Variants in CTNNA3 observed in about 807,000 individuals in gnomAD.
CTNNA3 encodes catenin alpha-3.
A neutral mutation model predicts 95.7 loss-of-function variants in CTNNA3; 76 were observed. That is an observed-to-expected ratio of 0.79 (90% confidence interval 0.66 to 0.96). The LOEUF is 0.96. Among genes scored for constraint, CTNNA3 ranks in the 40% least tolerant of loss-of-function variants. The pLI, the probability that CTNNA3 is intolerant of heterozygous loss-of-function variation, is 0.00. For synonymous variants in CTNNA3, 431 were observed against 374.4 expected, an observed-to-expected ratio of 1.15 and a Z score of -1.74; for missense variants, 1,191 against 1,089.8, an observed-to-expected ratio of 1.09 and a Z score of -1.31.
intron 9 of CTNNA3, among the ~76,000 whole-genome samples, chr10:66,626,378 T>TA (rs34226648): frequency 0.35 from 52,888 of 151,980 alleles, 9,426 homozygotes; most frequent in Middle Eastern, 0.51. Flanking sequence ...TTCATATAGT[T>TA]AATTGTAATA....
chr10:66,509,505 T>A (rs139194950), intron 11 of CTNNA3, among the ~76,000 whole-genome samples: 2 of 152,054 alleles, frequency 1.3e-5, no homozygotes, highest in African/African-American at 4.8e-5. Context: ...TTCAGTCTGA[T>A]ATTTAATTCT....
At chr10:66,432,537 T>A (rs1431370242) in intron 11 of CTNNA3, among the ~76,000 whole-genome samples, 1 of 151,900 alleles carries the variant, frequency 6.6e-6, no homozygotes, top group Non-Finnish European at 1.5e-5. Flanking sequence ...GGCAGGTGCC[T>A]GTAGTTCCAG....
chr10:66,726,670 G>C (rs551551581), intron 9 of CTNNA3, among the ~76,000 whole-genome samples: 12 of 152,166 alleles, frequency 7.9e-5, no homozygotes, highest in African/African-American at 2.6e-4. Context: ...ATACATGAGG[G>C]CTGACTTCAA....
intron 10 of CTNNA3, among the ~76,000 whole-genome samples, chr10:66,597,134 A>G (rs748299801): frequency 1.2e-4 from 19 of 152,038 alleles, no homozygotes; most frequent in Non-Finnish European, 2.6e-4. Flanking sequence ...CTCCAGTCAC[A>G]GAAATAAAGG....
At chr10:66,250,842 T>G (rs992885575) in intron 13 of CTNNA3, among the ~76,000 whole-genome samples, 2 of 152,234 alleles carry the variant, frequency 1.3e-5, no homozygotes, top group African/African-American at 4.8e-5. Flanking sequence ...ATCTTTTAGC[T>G]TCTGTACTTC....
intron 7 of CTNNA3, among the ~76,000 whole-genome samples, chr10:66,801,179 A>G (rs1409503086): frequency 6.6e-6 from 1 of 151,378 alleles, no homozygotes; most frequent in Non-Finnish European, 1.5e-5. Flanking sequence ...AAATAAATAT[A>G]AAGTACAAAG....
chr10:66,565,203 C>T (rs1409969883), intron 10 of CTNNA3, among the ~76,000 whole-genome samples: 1 of 152,064 alleles, frequency 6.6e-6, no homozygotes, highest in Admixed American at 6.6e-5. Flanking sequence ...ACCTATAAAA[C>T]AATCACTTCA....
chr10:66,941,421 G>T (rs1325266892), intron 7 of CTNNA3, among the ~76,000 whole-genome samples: 1 of 152,158 alleles, frequency 6.6e-6, no homozygotes, highest in South Asian at 2.1e-4. Context: ...AATATCTTAG[G>T]TTCCTCTCAA....
intron 5 of CTNNA3, among the ~76,000 whole-genome samples, chr10:67,372,152 A>G (rs930277622): frequency 6.6e-6 from 1 of 152,008 alleles, no homozygotes; most frequent in African/African-American, 2.4e-5. Context: ...AGTAGATTGC[A>G]AAAATTTTCT....
chr10:66,428,745 T>A (rs1196075075), intron 11 of CTNNA3, among the ~76,000 whole-genome samples: 1 of 151,882 alleles, frequency 6.6e-6, no homozygotes, highest in African/African-American at 2.4e-5. Context: ...CTGGGACACA[T>A]TTAAAGCAGT....
At chr10:66,755,251 A>G (rs1416402275) in intron 9 of CTNNA3, among the ~76,000 whole-genome samples, 4 of 152,206 alleles carry the variant, frequency 2.6e-5, no homozygotes, top group Non-Finnish European at 4.4e-5. Flanking sequence ...TGTCCAGAAT[A>G]AGAAAATGTG....
intron 12 of CTNNA3, among the ~76,000 whole-genome samples, chr10:66,316,766 AGG>A (rs1458219188): frequency 3.3e-5 from 5 of 152,144 alleles, no homozygotes; most frequent in Admixed American, 2.0e-4. Flanking sequence ...ATATTATTCA[AGG>A]ACCTGCTATA....
intron 7 of CTNNA3, among the ~76,000 whole-genome samples, chr10:67,064,910 G>A (rs747429728): frequency 3.9e-5 from 6 of 152,098 alleles, no homozygotes; most frequent in Non-Finnish European, 7.4e-5. Context: ...GGAGAAAAAA[G>A]TTATATGAGG....
intron 7 of CTNNA3, among the ~76,000 whole-genome samples, chr10:67,044,024 A>G (rs917102997): frequency 6.6e-6 from 1 of 151,762 alleles, no homozygotes; most frequent in Non-Finnish European, 1.5e-5. Flanking sequence ...AGGTTTGGGG[A>G]CACAAATGAT....
chr10:67,326,735 G>T (rs939654913), intron 5 of CTNNA3, among the ~76,000 whole-genome samples: 1 of 152,056 alleles, frequency 6.6e-6, no homozygotes, highest in African/African-American at 2.4e-5. Context: ...AGTATCTTAG[G>T]GGTTCTCTGC....
At chr10:67,118,092 T>C (rs1010445800) in intron 7 of CTNNA3, among the ~76,000 whole-genome samples, 1 of 151,980 alleles carries the variant, frequency 6.6e-6, no homozygotes, top group African/African-American at 2.4e-5. Flanking sequence ...CAGACAACAG[T>C]GGGCGCATCT....
At chr10:66,339,204 C>T (rs1001178037) in intron 12 of CTNNA3, among the ~76,000 whole-genome samples, 1 of 151,786 alleles carries the variant, frequency 6.6e-6, no homozygotes, top group Non-Finnish European at 1.5e-5. Context: ...AAATTAATCT[C>T]TGTTATTAAT....
intron 13 of CTNNA3, among the ~76,000 whole-genome samples, chr10:66,136,699 G>A (rs979600556): frequency 1.3e-5 from 2 of 151,030 alleles, no homozygotes; most frequent in African/African-American, 2.4e-5. Context: ...CACTGAAAGC[G>A]GAGTTTAGAA....
chr10:67,408,882 C>CCAAAAAAAAAAAAAAAAAAAA (rs1554833433), intron 5 of CTNNA3, among the ~76,000 whole-genome samples: 1 of 97,198 alleles, frequency 1.0e-5, no homozygotes, highest in Admixed American at 1.3e-4. Context: ...CTTAAATTTA[C>CCAAAAAAAAAAAAAAAAAAAA]AAAAAAAAAA....
Sources: allele counts gnomAD v4.1 joint callset (sites outside exome capture counted in the v4.1 genomes callset), GRCh38; gene constraint gnomAD v4.1.1; transcripts MANE v1.5; gene names NCBI Gene and HGNC (gene_info 2026-07-23, HGNC 2026-07-21).